The following KIF13A variants were observed in gnomAD, a reference collection of about 807,000 sequenced individuals.
KIF13A encodes kinesin family member 13A, also known as kinesin-like protein KIF13A.
In KIF13A, 79 loss-of-function variants were observed where a neutral mutation model predicts 212.2. The ratio of observed to expected loss-of-function variants is 0.37; its 90% CI spans 0.31 to 0.45. The LOEUF is 0.45. Among genes scored for constraint, KIF13A ranks in the 20% least tolerant of loss-of-function variants. The pLI, the probability that KIF13A is intolerant of heterozygous loss-of-function variation, is 1.00. For synonymous variants in KIF13A, 789 were observed against 808.6 expected, an observed-to-expected ratio of 0.98 and a Z score of 0.41; for missense variants, 1,901 against 2,209.0, an observed-to-expected ratio of 0.86 and a Z score of 2.79.
At position 17,919,944 on chromosome 6, in the gene KIF13A, A is replaced by C. The variant is rs961181974; in HGVS notation, c.147-21764T>G. Among the ~76,000 whole-genome samples the C allele has an allele frequency of 6.6e-6, 1 of 152,272 alleles. No homozygotes were observed. Among genetic ancestry groups the C allele is most frequent in the Admixed American group, 6.5e-5 (1 of 15,292 alleles). On this transcript the variant is annotated intron_variant, in intron 2 of 38. Coordinates refer to ENST00000259711, the MANE Select transcript of KIF13A (RefSeq NM_022113.6). This position sits in a 1 kb window ranked among gnomAD's most constrained non-coding sequence, Gnocchi z 4.1. ...TAACTTCTATTAAAATACTCATGGAAGGGAAGACATAAGCAGCAGGTTGAG... is the reference window on the plus strand; with the variant it reads ...TAACTTCTATTAAAATACTCATGGACGGGAAGACATAAGCAGCAGGTTGAG...
Position 17,987,512 on chromosome 6 carries a change from G to A in KIF13A, c.-49C>T. ...TCGCCGCGCCCGCTCGGCCTTAGGCGGCCCCTCACGCGCGGCGCCGCCGCC... is the reference window on the plus strand; with the variant it reads ...TCGCCGCGCCCGCTCGGCCTTAGGCAGCCCCTCACGCGCGGCGCCGCCGCC... On this transcript the variant is annotated 5_prime_UTR_variant, in exon 1 of 39. Transcript: ENST00000259711. The surrounding 1 kb of genome is among the most constrained non-coding windows in gnomAD (Gnocchi z 7.7). 1 of 1,040,478 alleles carries A rather than the reference G, an allele frequency of 9.6e-7. No homozygotes were observed. Among genetic ancestry groups the A allele is most frequent in the Non-Finnish European group, 1.2e-6 (1 of 850,698 alleles). The allele number at this position is 1,040,478 out of a possible 1,614,324, so 64.5% of individuals were successfully genotyped here.
chr6:17,790,261 T>C (rs1192591962), intron 25 of KIF13A, among the ~76,000 whole-genome samples: 1 of 152,048 alleles, frequency 6.6e-6, no homozygotes, highest in African/African-American at 2.4e-5. Context: ...AAAAATTAGC[T>C]GGATTTGGTA....
chr6:17,858,079 TTATGTGTGTG>T (rs1768316713), intron 4 of KIF13A, among the ~76,000 whole-genome samples: 1 of 112,424 alleles, frequency 8.9e-6, no homozygotes, highest in African/African-American at 3.6e-5. Flanking sequence ...TGTCAAATAG[TTATGTGTGTG>T]TGTGTGTGTG....
chr6:17,937,454 C>G (rs1044331147), intron 2 of KIF13A, among the ~76,000 whole-genome samples: 8 of 152,178 alleles, frequency 5.3e-5, no homozygotes, highest in African/African-American at 1.7e-4. Context: ...GTAAAACTTG[C>G]AATAACTTCC....
chr6:17,917,683 C>A (rs1247795230), intron 2 of KIF13A, among the ~76,000 whole-genome samples: 1 of 152,144 alleles, frequency 6.6e-6, no homozygotes, highest in Non-Finnish European at 1.5e-5. Context: ...TAGTTCAGGG[C>A]CTTTAATATA....
In KIF13A at chr6:17,802,313, C is replaced by T. The variant is rs181794251; in HGVS notation, c.2454+2048G>A. ...TTAAGCTTTTTTTTTTTTTTTGAGA[C>T]GGAGTTTCGCTCTTGTTGCCCAGGC... On this transcript the variant is annotated intron_variant, in intron 20 of 38. Coordinates refer to ENST00000259711, the MANE Select transcript of KIF13A (RefSeq NM_022113.6). Among the ~76,000 whole-genome samples the T allele has an allele frequency of 3.0e-4, 44 of 145,336 alleles. No homozygotes were observed. The East Asian group carries it at 6.6e-3, about 22-fold the overall frequency.
chr6:17,764,731 G>A lies in KIF13A; in HGVS notation c.4797C>T (p.Tyr1599=), dbSNP rs745897585. Residue 1599 remains tyrosine, a synonymous_variant, in exon 39 of 39, where the codon TAC becomes TAT. Transcript: ENST00000259711. This position sits in a 1 kb window ranked among gnomAD's most constrained non-coding sequence, Gnocchi z 5.1. ...TGGCATTGGAGGCACTGTGGGAAAA[G>A]TAGCCACTGGTAATACTGCTGGTGG... ...SPTTSSITSG[Y]FSHSASNATL... is the part of the protein sequence containing the mutation. 9.3e-6 allele frequency: 15 copies of A among 1,612,402 alleles called. No homozygotes were observed. The highest frequency in any genetic ancestry group is 1.7e-4 in the Middle Eastern group (1 of 6,060).
chr6:17,765,007 A>G, intron 38 of KIF13A, 61 bp from the exon 39 acceptor site: 4 of 1,265,472 alleles, frequency 3.2e-6, no homozygotes, highest in Non-Finnish European at 4.3e-6. Context: ...TGTTGAGACA[A>G]GTTTTAAATA....
intron 22 of KIF13A, among the ~76,000 whole-genome samples, chr6:17,798,179 C>T (rs1488432043): frequency 6.6e-6 from 1 of 152,052 alleles, no homozygotes; most frequent in Admixed American, 6.6e-5. Context: ...TCATGACAAT[C>T]TATACATTTT....
rs1426579286 is a variant in KIF13A at position 17,984,850 on chromosome 6, G to C, written c.146+2204C>G. On this transcript the variant is annotated intron_variant, in intron 2 of 38. Transcript: ENST00000259711. The surrounding 1 kb of genome is among the most constrained non-coding windows in gnomAD (Gnocchi z 5.0). Reference sequence around the variant, plus strand: ...CTACTCTTCACCTTTGCCCTGCCCTGAGCACTATCTAAAAACCAATGACAG... The same window carrying C: ...CTACTCTTCACCTTTGCCCTGCCCTCAGCACTATCTAAAAACCAATGACAG... Among the ~76,000 whole-genome samples, 1 of 152,122 alleles carries C rather than the reference G, an allele frequency of 6.6e-6. No homozygotes were observed. The highest frequency in any genetic ancestry group is 2.4e-5 in the African/African-American group (1 of 41,400).
rs561157665 is a variant in KIF13A at position 17,960,033 on chromosome 6, A to C, written c.146+27021T>G. ...GCAAAACTCCACCTCAAAAAAAAAA[A>C]AACAACAACAAAAAACAAAACTCTC... On this transcript the variant is annotated intron_variant, in intron 2 of 38. Transcript: ENST00000259711. 9.7e-4 allele frequency among the ~76,000 whole-genome samples: 148 copies of C among 152,114 alleles called. 2 individuals are homozygous for C. Among genetic ancestry groups the C allele is most frequent in the African/African-American group, 3.3e-3 (136 of 41,526 alleles).
chr6:17,876,623 G>GCATTCATTCATTCATTCATTCATT (rs56349524), intron 3 of KIF13A, among the ~76,000 whole-genome samples: 1 of 150,646 alleles, frequency 6.6e-6, no homozygotes, highest in African/African-American at 2.4e-5. Context: ...GTGTGAGACA[G>GCATTCATTCATTCATTCATTCATT]CATTCATTCA....
At chr6:17,767,498 GC>G (rs1166520657) in intron 38 of KIF13A, among the ~76,000 whole-genome samples, 6 of 151,808 alleles carry the variant, frequency 4.0e-5, no homozygotes, top group African/African-American at 1.5e-4. Flanking sequence ...CAGGCGATCT[GC>G]CCGTCTCGGG....
Position 17,808,821 on chromosome 6 carries a change from C to T in KIF13A, c.2110G>A (p.Asp704Asn), listed in dbSNP as rs370174871. 12 of 1,613,736 alleles carry T rather than the reference C, an allele frequency of 7.4e-6. No homozygotes were observed. The Admixed American group carries it at 1.0e-4, about 13-fold the overall frequency. Residue 704 changes from aspartate to asparagine, a missense_variant, in exon 18 of 39, where the codon GAT becomes AAT. Physicochemically the swap from Asp to Asn is conservative, Grantham distance 23. Transcript: ENST00000259711. ...GGGATCTGAAGAGTCACTTGGTAAT[C>T]GGTGAGTTTGCTCATTTCCTCAGCC... ...FLAEEMSKLT[D>N]YQVTLQIPAA...
At position 17,918,378 on chromosome 6, in the gene KIF13A, C is replaced by T. The variant is rs1043733990; in HGVS notation, c.147-20198G>A. ...CCATTTATGACAAGTTGTACTTAAA[C>T]GGCAGCCTATTTTTACATAAATAAC... On this transcript the variant is annotated intron_variant, in intron 2 of 38. Coordinates refer to ENST00000259711, the MANE Select transcript of KIF13A (RefSeq NM_022113.6). This position sits in a 1 kb window ranked among gnomAD's most constrained non-coding sequence, Gnocchi z 4.8. Among the ~76,000 whole-genome samples the T allele has an allele frequency of 5.3e-5, 8 of 152,198 alleles. No individual in the cohort carries two copies. The highest frequency in any genetic ancestry group is 3.8e-4 in the East Asian group (2 of 5,202).
chr6:17,950,796 G>A (rs1777781211), intron 2 of KIF13A: 1 of 977,668 alleles, frequency 1.0e-6, no homozygotes. Flanking sequence ...ATTACTAAAG[G>A]ACTTTTAAAT....
In KIF13A at chr6:17,898,131, A is replaced by G; in HGVS notation, c.159+37T>C. 6.2e-7 allele frequency: 1 copy of G among 1,605,966 alleles called. No individual in the cohort carries two copies. The highest frequency in any genetic ancestry group is 8.5e-7 in the Non-Finnish European group (1 of 1,173,874). ...ATAAATCCTGGATTTTTGCACACTA[A>G]GCCAGTATACATGCCAAATTTCATA... On this transcript the variant is annotated intron_variant, in intron 3 of 38. Coordinates refer to ENST00000259711, the MANE Select transcript of KIF13A (RefSeq NM_022113.6). The surrounding 1 kb of genome is among the most constrained non-coding windows in gnomAD (Gnocchi z 5.2).
In KIF13A at chr6:17,778,959, T is replaced by G. The variant is rs748695121; in HGVS notation, c.4080A>C (p.Glu1360Asp). 3.8e-6 allele frequency: 6 copies of G among 1,596,050 alleles called. No individual in the cohort carries two copies. The Admixed American group carries it at 1.1e-4, about 28-fold the overall frequency. Residue 1360 changes from glutamate (E) to aspartate (D), a missense_variant, in exon 33 of 39, where the codon GAA becomes GAC. By Grantham distance (45) the Glu-to-Asp change is conservative. Around this residue, in one of 5 missense-constraint regions of KIF13A, gnomAD observed 687 missense variants for 759.1 expected, o/e 0.90. Transcript: ENST00000259711. ...VLQVENILSL[E>D]RLRQAVTVKE... ...TTCAGTTACTTGCCTGCCGGAGCCG[T>G]TCAAGACTCAGAATGTTTTCCACCT...
intron 2 of KIF13A, among the ~76,000 whole-genome samples, chr6:17,938,738 T>C (rs1259647155): frequency 6.6e-6 from 1 of 152,054 alleles, no homozygotes; most frequent in Non-Finnish European, 1.5e-5. Flanking sequence ...CTTTCCTCCA[T>C]TTTCTTCCTG....
Sources: gnomAD v4.1 joint callset for allele counts (sites outside exome capture counted in the v4.1 genomes callset) on GRCh38, gnomAD v4.1.1 for gene constraint, gnomAD v4.1.1 regional missense constraint, Gnocchi (gnomAD v3.1) non-coding constraint, MANE v1.5 for transcripts, NCBI Gene and HGNC (gene_info 2026-07-23, HGNC 2026-07-21) for gene names.